Variants in NKD1 observed in about 807,000 individuals in gnomAD.
NKD1 encodes the protein NKD inhibitor of Wnt signaling pathway 1.
In NKD1, 21 loss-of-function variants were observed where a neutral mutation model predicts 56.0. That is an observed-to-expected ratio of 0.38 (90% CI 0.27 to 0.54). The LOEUF is 0.54. Ranked by LOEUF, NKD1 falls within the 20% of genes least tolerant of loss-of-function variation. NKD1 has a pLI of 0.82. For synonymous variants in NKD1, 263 were observed against 265.7 expected, an observed-to-expected ratio of 0.99 and a Z score of 0.10; for missense variants, 578 against 642.7, an observed-to-expected ratio of 0.90 and a Z score of 1.09.
rs1242093567 is a variant in NKD1 at position 50,637,200 on chromosome 16, T to G, written c.*3419T>G. The G allele has an allele frequency of 6.6e-6, 1 of 152,212 alleles. No individual in the cohort carries two copies. The allele number at this position is 152,212 out of a possible 1,614,324, so 9.4% of individuals were successfully genotyped here. A position where few individuals can be genotyped will look rare whatever the true frequency, so the allele number is the denominator to read the frequency against. On this transcript the variant is annotated 3_prime_UTR_variant, in exon 10 of 10. Transcript: ENST00000268459. ...AGGCAGGAACACAGGCGACAGAAAG[T>G]TTCCACGTGGAACTGCAGAGTTCAA...
At chr16:50,608,003 G>A in intron 3 of NKD1, 1 of 407,288 alleles carries the variant, frequency 2.5e-6, no homozygotes. Flanking sequence ...AAGGAATCAG[G>A]CTGGTTTCCG....
intron 3 of NKD1, among the ~76,000 whole-genome samples, chr16:50,554,661 G>A (rs1050724882): frequency 2.0e-5 from 3 of 152,092 alleles, no homozygotes; most frequent in African/African-American, 7.2e-5. Flanking sequence ...TAGACACATA[G>A]TTTCACTCTG....
intron 3 of NKD1, among the ~76,000 whole-genome samples, chr16:50,603,211 C>T (rs541342900): frequency 6.6e-6 from 1 of 152,354 alleles, no homozygotes; most frequent in Non-Finnish European, 1.5e-5. Context: ...TCTGCTGCCA[C>T]TCGGCTGCTG....
intron 4 of NKD1, among the ~76,000 whole-genome samples, chr16:50,618,135 A>G (rs892454407): frequency 5.3e-5 from 8 of 152,120 alleles, no homozygotes; most frequent in African/African-American, 1.7e-4. Context: ...AGGCAAGTGA[A>G]AGGCCTTTTT....
At chr16:50,577,211 A>T (rs1284760461) in intron 3 of NKD1, among the ~76,000 whole-genome samples, 1 of 152,022 alleles carries the variant, frequency 6.6e-6, no homozygotes, top group African/African-American at 2.4e-5. Context: ...GTTGATGGAG[A>T]TAGTAGGAAT....
intron 3 of NKD1, chr16:50,551,855 G>T (rs1464996487): frequency 6.6e-6 from 1 of 152,128 alleles, no homozygotes; most frequent in Non-Finnish European, 1.5e-5. Context: ...TTAAGTACAA[G>T]TGGTCAAAAT....
chr16:50,613,189 A>T (rs1170971694), intron 4 of NKD1, among the ~76,000 whole-genome samples: 2 of 152,144 alleles, frequency 1.3e-5, no homozygotes, highest in Non-Finnish European at 2.9e-5. Flanking sequence ...GTTGGGTTCA[A>T]GATGCCCATT....
chr16:50,607,228 AG>A (rs1460685806), intron 3 of NKD1: 3 of 350,328 alleles, frequency 8.6e-6, no homozygotes, highest in Non-Finnish European at 1.7e-5. Flanking sequence ...AACAAAAAAA[AG>A]CAAGAGGCTT....
intron 3 of NKD1, among the ~76,000 whole-genome samples, chr16:50,592,467 G>C (rs1249186495): frequency 6.6e-6 from 1 of 152,242 alleles, no homozygotes; most frequent in Non-Finnish European, 1.5e-5. Context: ...GAGGAAGAGA[G>C]GGTTAGCGGT....
At chr16:50,608,178 T>C (rs1311386644) in intron 3 of NKD1, 116 bp from the exon 4 acceptor site, 2 of 789,200 alleles carry the variant, frequency 2.5e-6, no homozygotes, top group Admixed American at 1.7e-5. Context: ...TCTGCCTCAG[T>C]TGACCTGAAT....
rs542105493 is a variant in NKD1, at chr16:50,600,359, G to A, written c.193-7935G>A. 6.0e-4 allele frequency among the ~76,000 whole-genome samples: 92 copies of A among 152,068 alleles called. 1 individual carries two copies. Among genetic ancestry groups the A allele is most frequent in the Non-Finnish European group, 9.3e-4 (63 of 67,980 alleles). On this transcript the variant is annotated intron_variant, in intron 3 of 9. Coordinates refer to ENST00000268459, the MANE Select transcript of NKD1 (RefSeq NM_033119.5). Reference sequence around the variant, plus strand: ...ACGGTGGCCTGTGTCGGTGGGAGTCGCAGATACTCAGGAGAGTCACTTGAG... The same window carrying A: ...ACGGTGGCCTGTGTCGGTGGGAGTCACAGATACTCAGGAGAGTCACTTGAG...
Position 50,549,463 on chromosome 16 carries a change from A to G in NKD1, c.100A>G (p.Ile34Val). ...AVSAAWARKG[I>V]EEWIGRQRCP... Reference sequence around the variant, plus strand: ...GAGCGCTGCCTGGGCTCGGAAGGGCATCGAGGAGTGGATCGGGAGACAGCG... The same window carrying G: ...GAGCGCTGCCTGGGCTCGGAAGGGCGTCGAGGAGTGGATCGGGAGACAGCG... The change falls in exon 3 of 10, where the codon ATC (isoleucine) becomes GTC (valine). Residue 34 changes from isoleucine (I) to valine (V), a missense_variant. Ile to Val is a conservative substitution (Grantham distance 29). Coordinates refer to ENST00000268459, the MANE Select transcript of NKD1 (RefSeq NM_033119.5). 1 of 1,611,462 alleles carries G rather than the reference A, an allele frequency of 6.2e-7. No individual in the cohort carries two copies. The highest frequency in any genetic ancestry group is 1.1e-5 in the South Asian group (1 of 90,950).
At chr16:50,606,025 A>C (rs1211546889) in intron 3 of NKD1, 1 of 150,874 alleles carries the variant, frequency 6.6e-6, no homozygotes, top group Non-Finnish European at 1.5e-5. Flanking sequence ...CACGCCACAG[A>C]CCCTGGGCCG....
At chr16:50,571,564 C>T (rs1960884555) in intron 3 of NKD1, 1 of 983,156 alleles carries the variant, frequency 1.0e-6, no homozygotes, top group Non-Finnish European at 1.2e-6. Context: ...ACGGGCTCTC[C>T]ATTCATCTGT....
chr16:50,574,891 TC>T, intron 3 of NKD1: 7 of 985,430 alleles, frequency 7.1e-6, no homozygotes, highest in Non-Finnish European at 8.4e-6. Flanking sequence ...GTTTGAAACT[TC>T]CTCTCCTTGG....
At chr16:50,613,675 C>T (rs1961899057) in intron 4 of NKD1, 1 of 122,464 alleles carries the variant, frequency 8.2e-6, no homozygotes, top group Admixed American at 1.1e-4. Flanking sequence ...ACCGGAGAGG[C>T]TTTAATAGTT....
chr16:50,617,668 C>T (rs1232005818), intron 4 of NKD1, among the ~76,000 whole-genome samples: 1 of 152,120 alleles, frequency 6.6e-6, no homozygotes, highest in Non-Finnish European at 1.5e-5. Context: ...GAGGGAACTC[C>T]ACAAACCATT....
At chr16:50,550,295 C>T (rs1265742203) in intron 3 of NKD1, among the ~76,000 whole-genome samples, 1 of 151,978 alleles carries the variant, frequency 6.6e-6, no homozygotes, top group Non-Finnish European at 1.5e-5. Context: ...AGGCAGTCTG[C>T]GTGGAACTCG....
intron 3 of NKD1, among the ~76,000 whole-genome samples, chr16:50,579,086 A>G (rs938469374): frequency 1.3e-5 from 2 of 152,034 alleles, no homozygotes; most frequent in African/African-American, 4.8e-5. Context: ...CCCACGGGCT[A>G]CCCGCTACCA....
Sources: allele counts gnomAD v4.1 joint callset (sites outside exome capture counted in the v4.1 genomes callset), GRCh38; gene constraint gnomAD v4.1.1; transcripts MANE v1.5; gene names NCBI Gene and HGNC (gene_info 2026-07-23, HGNC 2026-07-21).